The following PIK3CD variants were observed in gnomAD, a reference collection of about 807,000 sequenced individuals.
PIK3CD encodes phosphatidylinositol 4,5-bisphosphate 3-kinase catalytic subunit delta isoform.
In PIK3CD, 20 loss-of-function variants were observed where a neutral mutation model predicts 122.9. That is an observed-to-expected ratio of 0.16 (90% CI 0.11 to 0.24). The LOEUF (loss-of-function observed/expected upper bound fraction) is 0.24, where lower values mean the gene tolerates loss of function less well. Among genes scored for constraint, PIK3CD ranks in the 10% least tolerant of loss-of-function variants. The pLI is 1.00. For synonymous variants in PIK3CD, 596 were observed against 593.4 expected (o/e 1.00, Z -0.06); for missense variants, 787 against 1,406.3 (o/e 0.56, Z 7.04).
At chr1:9,643,493 G>GAAGGAAGGGAGGGAGGGAGGGAGGA in the PIK3CD span, among the ~76,000 whole-genome samples, 1 of 113,620 alleles carries the variant, frequency 8.8e-6, no homozygotes, top group Non-Finnish European at 1.8e-5. Context: ...GGGAGGGAGG[G>GAAGGAAGGGAGGGAGGGAGGGAGGA]AGGGAAGGAA....
At chr1:9,668,585 A>G (rs970963701) in intron 1 of PIK3CD, among the ~76,000 whole-genome samples, 8 of 151,970 alleles carry the variant, frequency 5.3e-5, no homozygotes, top group African/African-American at 1.9e-4. Flanking sequence ...CAAGCAGTGT[A>G]CACTGTACCA....
chr1:9,634,548 C>T, the PIK3CD span, among the ~76,000 whole-genome samples: 10 of 152,212 alleles, frequency 6.6e-5, no homozygotes, highest in Non-Finnish European at 1.3e-4. Flanking sequence ...ATCTGCCCGC[C>T]TTGGCCTCCC....
Position 9,717,488 on chromosome 1 carries a change from C to T in PIK3CD, c.931-49C>T. 1.3e-6 allele frequency: 2 copies of T among 1,577,034 alleles called. No individual in the cohort carries two copies. Among genetic ancestry groups the T allele is most frequent in the Non-Finnish European group, 1.7e-6 (2 of 1,146,698 alleles). ...CGGGCCTCACCATAGGCCAGGGAGA[C>T]AAGCTGCACTTTGAGCCGTGTTAAC... On this transcript the variant is annotated intron_variant, in intron 7 of 23. Coordinates refer to ENST00000377346, the MANE Select transcript of PIK3CD (RefSeq NM_005026.5). The surrounding 1 kb of genome is among the most constrained non-coding windows in gnomAD (Gnocchi z 5.4).
chr1:9,640,315 C>T, the PIK3CD span, among the ~76,000 whole-genome samples: 2 of 152,070 alleles, frequency 1.3e-5, no homozygotes, highest in Non-Finnish European at 2.9e-5. Context: ...CACGGTGGCT[C>T]ACACCTGTAA....
intron 2 of PIK3CD, among the ~76,000 whole-genome samples, chr1:9,695,975 CTTT>C (rs577549219): frequency 7.0e-6 from 1 of 143,746 alleles, no homozygotes; most frequent in Non-Finnish European, 1.5e-5. Flanking sequence ...ACATTAAAGA[CTTT>C]TTTTTTTTTT....
At chr1:9,649,135 C>CA (rs897636355), upstream of PIK3CD, among the ~76,000 whole-genome samples, 30 of 130,194 alleles carry the variant, frequency 2.3e-4, no homozygotes, top group Middle Eastern at 0.011. Context: ...AAAGCAAAAA[C>CA]AAAAAAAACT....
At chr1:9,646,117 T>A in the PIK3CD span, among the ~76,000 whole-genome samples, 2 of 151,982 alleles carry the variant, frequency 1.3e-5, no homozygotes, top group Non-Finnish European at 2.9e-5. Flanking sequence ...ACCCATGGCA[T>A]GGTGAAAGTA....
At chr1:9,725,053 G>T in intron 23 of PIK3CD, 117 bp downstream of exon 23, 3 of 1,294,042 alleles carry the variant, frequency 2.3e-6, no homozygotes, top group Non-Finnish European at 3.3e-6. Flanking sequence ...AGCTGTGTGT[G>T]CCTCATGCCG....
chr1:9,723,068 G>T lies in PIK3CD; in HGVS notation c.2427-57G>T. ...ACCATGAGTTTCTGGGGCTCAAGTG[G>T]CCTCAGGGACAGCCCTTGACCATGC... On this transcript the variant is annotated intron_variant, in intron 19 of 23. Coordinates refer to ENST00000377346, the MANE Select transcript of PIK3CD (RefSeq NM_005026.5). This position sits in a 1 kb window ranked among gnomAD's most constrained non-coding sequence, Gnocchi z 4.9. The T allele has an allele frequency of 6.4e-7, 1 of 1,556,784 alleles. No individual in the cohort carries two copies. Among genetic ancestry groups the T allele is most frequent in the South Asian group, 1.1e-5 (1 of 90,012 alleles).
At chr1:9,655,767 G>A (rs546058791) in intron 1 of PIK3CD, among the ~76,000 whole-genome samples, 71 of 138,734 alleles carry the variant, frequency 5.1e-4, no homozygotes, top group African/African-American at 1.7e-3. Flanking sequence ...GTGTGATCTC[G>A]GCCCACTGCA....
intron 2 of PIK3CD, among the ~76,000 whole-genome samples, chr1:9,697,200 T>C (rs2100570282): frequency 6.6e-6 from 1 of 152,056 alleles, no homozygotes; most frequent in African/African-American, 2.4e-5. Context: ...AGCAAGACCC[T>C]GTCTCTATTT....
chr1:9,706,148 A>G (rs965995350), intron 2 of PIK3CD, among the ~76,000 whole-genome samples: 2 of 146,172 alleles, frequency 1.4e-5, no homozygotes, highest in Non-Finnish European at 3.0e-5. Flanking sequence ...TGGCCTCCCA[A>G]AGTGCTGGGA....
At position 9,720,415 on chromosome 1, in the gene PIK3CD, A is replaced by C. The variant is rs1349947048; in HGVS notation, c.1470+173A>C. 2 of 1,383,170 alleles carry C rather than the reference A, an allele frequency of 1.4e-6. No homozygotes were observed. The highest frequency in any genetic ancestry group is 5.0e-5 in the Admixed American group (2 of 39,970). 85.7% of individuals were successfully genotyped at this position (1,383,170 alleles called of 1,614,324 possible). On this transcript the variant is annotated intron_variant, in intron 11 of 23. Transcript: ENST00000377346. This position sits in a 1 kb window ranked among gnomAD's most constrained non-coding sequence, Gnocchi z 9.0. ...TGCAGGGATGCTGCGCAGTCTGATG[A>C]CATTTTCGGTTGTCACAGCTGCCAG...
At chr1:9,666,376 G>A (rs746203387) in intron 1 of PIK3CD, among the ~76,000 whole-genome samples, 3 of 149,852 alleles carry the variant, frequency 2.0e-5, no homozygotes, top group Non-Finnish European at 4.4e-5. Flanking sequence ...TGAGTGGCAG[G>A]GATTACAGGC....
At chr1:9,653,752 T>G (rs752685209) in intron 1 of PIK3CD, 77 of 1,323,210 alleles carry the variant, frequency 5.8e-5, no homozygotes, top group Non-Finnish European at 7.6e-5. Flanking sequence ...TGCCAACCCC[T>G]TAGCATTTCC....
At chr1:9,643,171 G>A in the PIK3CD span, among the ~76,000 whole-genome samples, 2 of 152,154 alleles carry the variant, frequency 1.3e-5, no homozygotes, top group Admixed American at 1.3e-4. Context: ...CACTTTGGGA[G>A]GCCAAGACAG....
chr1:9,643,878 A>G, the PIK3CD span, among the ~76,000 whole-genome samples: 1 of 152,174 alleles, frequency 6.6e-6, no homozygotes, highest in African/African-American at 2.4e-5. Flanking sequence ...GCAAAGGGTA[A>G]AGACTCGAGC....
At chr1:9,661,945 G>A (rs1343099709) in intron 1 of PIK3CD, among the ~76,000 whole-genome samples, 2 of 152,040 alleles carry the variant, frequency 1.3e-5, no homozygotes, top group Non-Finnish European at 1.5e-5. Context: ...GCAGTGAGCC[G>A]AGATTGCACC....
In PIK3CD at chr1:9,716,778, G is replaced by T. The variant is rs79257776; in HGVS notation, c.780+159G>T. On this transcript the variant is annotated intron_variant, in intron 6 of 23. Transcript: ENST00000377346. The stretch of plus-strand genomic sequence containing the variant: ...CCCTGGTAGGGCTGGCCCTCTCTGA[G>T]AGCACAAGGAGGGGCTCCGTCTTGG... Among the ~76,000 whole-genome samples the T allele has an allele frequency of 0.021, 3,146 of 152,326 alleles. 98 individuals are homozygous for T. Among genetic ancestry groups the T allele is most frequent in the African/African-American group, 0.068 (2,825 of 41,568 alleles).
Sources: allele counts gnomAD v4.1 joint callset (sites outside exome capture counted in the v4.1 genomes callset), GRCh38; gene constraint gnomAD v4.1.1; non-coding constraint Gnocchi (gnomAD v3.1); transcripts MANE v1.5; gene names NCBI Gene and HGNC (gene_info 2026-07-23, HGNC 2026-07-21).